The following ZNF407 variants were observed in gnomAD, a reference collection of about 807,000 sequenced individuals.
ZNF407 encodes the protein zinc finger protein 407.
In ZNF407, 17 loss-of-function variants were observed where a neutral mutation model predicts 131.2. The ratio of observed to expected loss-of-function variants is 0.13; its 90% CI spans 0.09 to 0.19. ZNF407 has a LOEUF of 0.19. Among genes scored for constraint, ZNF407 ranks in the 10% least tolerant of loss-of-function variants. The pLI is 1.00. For synonymous variants in ZNF407, 1,156 were observed against 1,062.0 expected (o/e 1.09, Z -1.72); for missense variants, 2,681 against 2,830.6 (o/e 0.95, Z 1.20).
At chr18:74,896,314 C>A (rs1021764730) in intron 7 of ZNF407, among the ~76,000 whole-genome samples, 1 of 151,850 alleles carries the variant, frequency 6.6e-6, no homozygotes, top group Non-Finnish European at 1.5e-5. Context: ...TGTCATTTAC[C>A]TCAAGTCTAT....
intron 8 of ZNF407, among the ~76,000 whole-genome samples, chr18:75,007,629 C>G (rs1453716315): frequency 6.6e-6 from 1 of 152,168 alleles, no homozygotes; most frequent in Non-Finnish European, 1.5e-5. Context: ...TATTTCATTT[C>G]TATGGTCTCT....
chr18:75,006,774 A>G (rs1326644495), intron 8 of ZNF407, among the ~76,000 whole-genome samples: 2 of 152,146 alleles, frequency 1.3e-5, no homozygotes, highest in Non-Finnish European at 2.9e-5. Flanking sequence ...TCTGCCATTT[A>G]CCAAATACTG....
intron 4 of ZNF407, among the ~76,000 whole-genome samples, chr18:74,859,379 G>A (rs1970905403): frequency 1.3e-5 from 2 of 152,106 alleles, no homozygotes; most frequent in South Asian, 4.1e-4. Flanking sequence ...TCAGCTAAAT[G>A]TTAGTATTTA....
chr18:74,718,046 G>A (rs1256959163), intron 3 of ZNF407, among the ~76,000 whole-genome samples: 1 of 151,224 alleles, frequency 6.6e-6, no homozygotes, highest in Non-Finnish European at 1.5e-5. Context: ...TTTTTAACTC[G>A]GTGAATTTAT....
intron 8 of ZNF407, among the ~76,000 whole-genome samples, chr18:74,939,688 C>G (rs1972075896): frequency 6.6e-6 from 1 of 152,186 alleles, no homozygotes; most frequent in Admixed American, 6.5e-5. Flanking sequence ...GAACTCTCAA[C>G]ATATTAAGTG....
intron 3 of ZNF407, among the ~76,000 whole-genome samples, chr18:74,748,074 A>G (rs1185732373): frequency 2.0e-5 from 3 of 152,146 alleles, no homozygotes; most frequent in African/African-American, 7.2e-5. Flanking sequence ...GATTTTTAGA[A>G]TATTTAAAAA....
At chr18:74,993,025 C>T (rs963554213) in intron 8 of ZNF407, among the ~76,000 whole-genome samples, 1 of 152,092 alleles carries the variant, frequency 6.6e-6, no homozygotes, top group Admixed American at 6.5e-5. Flanking sequence ...TTGGGCATTG[C>T]TGGTAGTACT....
At chr18:74,871,744 T>C (rs1368532045) in intron 4 of ZNF407, among the ~76,000 whole-genome samples, 1 of 152,218 alleles carries the variant, frequency 6.6e-6, no homozygotes. Flanking sequence ...AGTTATCATA[T>C]AGAGAAGTTA....
At position 74,631,175 on chromosome 18, in the gene ZNF407, T is replaced by C. The variant is rs555734367; in HGVS notation, c.156T>C (p.Gly52=). ...SFPENSMGKR[G]FSESSNSDSV... ...CTGAGAATTCTATGGGCAAAAGAGG[T>C]TTTTCAGAATCATCGAACTCTGATA... is the stretch of plus-strand genomic sequence containing the variant. The change falls in exon 2 of 9, where the codon GGT becomes GGC. Residue 52 remains glycine, a synonymous_variant. Coordinates refer to ENST00000299687, the MANE Select transcript of ZNF407 (RefSeq NM_017757.3). The C allele has an allele frequency of 1.2e-5, 20 of 1,613,028 alleles. No individual in the cohort carries two copies. The East Asian group carries it at 3.8e-4, about 31-fold the overall frequency.
chr18:74,703,984 A>G lies in ZNF407; in HGVS notation c.4802+62862A>G, dbSNP rs115029081. Among the ~76,000 whole-genome samples the G allele has an allele frequency of 8.5e-3, 1,286 of 152,128 alleles. 17 individuals carry two copies. Among genetic ancestry groups the G allele is most frequent in the African/African-American group, 0.03 (1,235 of 41,494 alleles). ...TTTTTTATTTTTTTGCATCTCACAG[A>G]TAGTCATTCATGTCATGAAGTTAAT... On this transcript the variant is annotated intron_variant, in intron 3 of 8. Transcript: ENST00000299687. This position sits in a 1 kb window ranked among gnomAD's most constrained non-coding sequence, Gnocchi z 4.1.
Position 74,911,540 on chromosome 18 carries a change from T to G in ZNF407, c.5250-8974T>G, listed in dbSNP as rs141722626. 4.5e-3 allele frequency among the ~76,000 whole-genome samples: 681 copies of G among 152,326 alleles called. 5 individuals are homozygous for G. The highest frequency in any genetic ancestry group is 0.015 in the African/African-American group (625 of 41,564). On this transcript the variant is annotated intron_variant, in intron 7 of 8. Transcript: ENST00000299687. The stretch of plus-strand genomic sequence containing the variant: ...TGTGTCATAATTCAACTGTTTTGTG[T>G]TGTTGTTTTTTTAAAAGAAGTGTTT...
At chr18:74,649,395 A>C (rs1985124191) in intron 3 of ZNF407, among the ~76,000 whole-genome samples, 1 of 152,212 alleles carries the variant, frequency 6.6e-6, no homozygotes, top group South Asian at 2.1e-4. Flanking sequence ...AAGTGGTCTT[A>C]TGTCAACACA....
At chr18:74,925,835 A>G (rs1314974475) in intron 8 of ZNF407, among the ~76,000 whole-genome samples, 1 of 152,222 alleles carries the variant, frequency 6.6e-6, no homozygotes, top group Non-Finnish European at 1.5e-5. Flanking sequence ...ACTCACTCCT[A>G]TTAAATTGTA....
At chr18:74,682,711 C>G (rs1967012729) in intron 3 of ZNF407, among the ~76,000 whole-genome samples, 1 of 152,104 alleles carries the variant, frequency 6.6e-6, no homozygotes, top group Admixed American at 6.5e-5. Flanking sequence ...TGCTGTTTTT[C>G]TATCTACAGT....
intron 4 of ZNF407, among the ~76,000 whole-genome samples, chr18:74,781,738 A>G (rs1480125939): frequency 1.3e-5 from 2 of 152,168 alleles, no homozygotes; most frequent in Non-Finnish European, 2.9e-5. Context: ...TGAATTTGTG[A>G]AACAACCTTG....
At chr18:74,679,397 A>G (rs1966929592) in intron 3 of ZNF407, among the ~76,000 whole-genome samples, 1 of 152,232 alleles carries the variant, frequency 6.6e-6, no homozygotes, top group Admixed American at 6.5e-5. Context: ...ACATCTTGTC[A>G]GCAAGTGTAT....
At chr18:74,920,798 G>C in intron 8 of ZNF407, 106 bp downstream of exon 8, 1 of 1,376,450 alleles carries the variant, frequency 7.3e-7, no homozygotes, top group Non-Finnish European at 9.5e-7. Flanking sequence ...ATGGAGTAGA[G>C]TATGTGATAG....
intron 8 of ZNF407, among the ~76,000 whole-genome samples, chr18:74,933,004 C>T (rs773440227): frequency 3.4e-4 from 52 of 152,220 alleles, no homozygotes; most frequent in Non-Finnish European, 5.3e-4. Context: ...AAGAATGAAA[C>T]GTAGAATTAC....
chr18:74,881,964 T>C (rs993931729), intron 6 of ZNF407, among the ~76,000 whole-genome samples: 1 of 152,128 alleles, frequency 6.6e-6, no homozygotes, highest in African/African-American at 2.4e-5. Context: ...AGAAGAGAGC[T>C]TGCATGGGGA....
Sources: gnomAD v4.1 joint callset for allele counts (sites outside exome capture counted in the v4.1 genomes callset) on GRCh38, gnomAD v4.1.1 for gene constraint, Gnocchi (gnomAD v3.1) non-coding constraint, MANE v1.5 for transcripts, NCBI Gene and HGNC (gene_info 2026-07-23, HGNC 2026-07-21) for gene names.